MTMR7: variants seen among roughly 807,000 people sequenced by gnomAD.
MTMR7 encodes phosphatidylinositol-3-phosphate phosphatase MTMR7.
MTMR7 carries 76 observed loss-of-function variants against 81.2 expected under a neutral mutation model. That is an observed-to-expected ratio of 0.94 (90% confidence interval 0.78 to 1.13). MTMR7 has a LOEUF of 1.13. Ranked by LOEUF, MTMR7 falls within the 50% of genes most tolerant of loss-of-function variation. MTMR7 has a pLI of 0.00. For missense variants in MTMR7, 1,044 were observed against 820.0 expected, an observed-to-expected ratio of 1.27 and a Z score of -3.34; for synonymous variants, 372 against 289.8, an observed-to-expected ratio of 1.28 and a Z score of -2.88.
intron 1 of MTMR7, among the ~76,000 whole-genome samples, chr8:17,400,237 C>A (rs11203851): frequency 0.18 from 26,792 of 152,144 alleles, 3,517 homozygotes; most frequent in East Asian, 0.56. Flanking sequence ...AGCTACTGTG[C>A]TAGGCACCAT....
intron 1 of MTMR7, among the ~76,000 whole-genome samples, chr8:17,404,934 T>C (rs190265583): frequency 4.1e-4 from 63 of 152,344 alleles, no homozygotes; most frequent in African/African-American, 1.3e-3. Flanking sequence ...TAAGTGATTC[T>C]CCTGCCTCAG....
At chr8:17,397,411 A>C (rs1229515104) in intron 1 of MTMR7, among the ~76,000 whole-genome samples, 1 of 152,108 alleles carries the variant, frequency 6.6e-6, no homozygotes, top group Non-Finnish European at 1.5e-5. Context: ...TTGGGCTTTA[A>C]GCGAACGTCG....
At chr8:17,365,853 TAC>T (rs1820209073) in intron 3 of MTMR7, among the ~76,000 whole-genome samples, 2 of 152,248 alleles carry the variant, frequency 1.3e-5, no homozygotes, top group Admixed American at 6.5e-5. Flanking sequence ...TCTAAAATAC[TAC>T]ACGAAATTAA....
chr8:17,335,754 C>T (rs1190932233), intron 6 of MTMR7, among the ~76,000 whole-genome samples: 1 of 152,180 alleles, frequency 6.6e-6, no homozygotes, highest in Non-Finnish European at 1.5e-5. Context: ...AGTCAAAATC[C>T]TCCTTTCTAC....
chr8:17,316,194 A>AAC (rs1818058235), intron 7 of MTMR7, among the ~76,000 whole-genome samples: 1 of 152,050 alleles, frequency 6.6e-6, no homozygotes, highest in Non-Finnish European at 1.5e-5. Flanking sequence ...TAAAATGGTA[A>AAC]TAATAGCCTC....
chr8:17,396,806 T>A (rs921164384), intron 1 of MTMR7, among the ~76,000 whole-genome samples: 1 of 151,772 alleles, frequency 6.6e-6, no homozygotes, highest in African/African-American at 2.4e-5. Context: ...CCTCTGGAAG[T>A]GACTCCTTCC....
chr8:17,410,328 GA>G (rs1482498770), intron 1 of MTMR7, among the ~76,000 whole-genome samples: 1 of 152,150 alleles, frequency 6.6e-6, no homozygotes, highest in Non-Finnish European at 1.5e-5. Context: ...CACTTACCAG[GA>G]TCCTGGACAC....
intron 4 of MTMR7, among the ~76,000 whole-genome samples, chr8:17,349,649 G>A (rs113055537): frequency 2.6e-5 from 4 of 152,176 alleles, no homozygotes; most frequent in South Asian, 2.1e-4. Flanking sequence ...CACCTCCTTC[G>A]GGAAGCTTCT....
chr8:17,342,560 C>T (rs1396307960), intron 5 of MTMR7, among the ~76,000 whole-genome samples: 1 of 152,170 alleles, frequency 6.6e-6, no homozygotes, highest in Non-Finnish European at 1.5e-5. Context: ...GACAACTGAA[C>T]ATGGGTTTGG....
intron 4 of MTMR7, among the ~76,000 whole-genome samples, chr8:17,351,781 A>G (rs7386192): frequency 6.6e-6 from 1 of 152,028 alleles, no homozygotes; most frequent in African/African-American, 2.4e-5. Flanking sequence ...GCTAGAATGC[A>G]TTTGAGAAAA....
chr8:17,366,962 T>C (rs1218337250), intron 3 of MTMR7, among the ~76,000 whole-genome samples: 1 of 150,618 alleles, frequency 6.6e-6, no homozygotes, highest in African/African-American at 2.5e-5. Context: ...GGATTTTGCA[T>C]ATTTAAAATA....
intron 6 of MTMR7, among the ~76,000 whole-genome samples, chr8:17,333,502 T>TC (rs1449116281): frequency 2.0e-5 from 3 of 152,166 alleles, no homozygotes; most frequent in African/African-American, 7.2e-5. Context: ...CTTGACTAAT[T>TC]CAAGTGAAGC....
Position 17,361,291 on chromosome 8 carries a change from G to A in MTMR7, c.311-17C>T. ...CATATTTCACTGCAAGAAAAGGTAGGATAAAGTTAAATCAAGCTTAGTCAA... is the reference window on the plus strand; with the variant it reads ...CATATTTCACTGCAAGAAAAGGTAGAATAAAGTTAAATCAAGCTTAGTCAA... On this transcript the variant is annotated splice_polypyrimidine_tract_variant and intron_variant, in intron 3 of 13. Coordinates refer to ENST00000180173, the MANE Select transcript of MTMR7 (RefSeq NM_004686.5). 6.2e-7 allele frequency: 1 copy of A among 1,613,786 alleles called. No individual in the cohort carries two copies. Among genetic ancestry groups the A allele is most frequent in the South Asian group, 1.1e-5 (1 of 91,066 alleles).
intron 1 of MTMR7, 37 bp downstream of exon 1, chr8:17,413,227 ATCTCC>A: frequency 6.5e-7 from 1 of 1,537,528 alleles, no homozygotes; most frequent in Non-Finnish European, 8.8e-7. Flanking sequence ...CTCCTCCCCC[ATCTCC>A]TCCCGTCCCT....
chr8:17,328,730 G>T (rs879600785), intron 7 of MTMR7, among the ~76,000 whole-genome samples: 1 of 152,068 alleles, frequency 6.6e-6, no homozygotes, highest in Non-Finnish European at 1.5e-5. Flanking sequence ...AATAAAAAAA[G>T]AAAATACAGG....
chr8:17,382,968 A>G (rs1160314183), intron 1 of MTMR7, among the ~76,000 whole-genome samples: 2 of 152,178 alleles, frequency 1.3e-5, no homozygotes, highest in African/African-American at 4.8e-5. Context: ...AAGCACTCAC[A>G]GGGCACCAAA....
intron 6 of MTMR7, among the ~76,000 whole-genome samples, chr8:17,332,313 T>C (rs1203130170): frequency 6.6e-5 from 10 of 152,342 alleles, no homozygotes; most frequent in African/African-American, 2.4e-4. Context: ...ACATATGTTC[T>C]TTGACACAGA....
intron 3 of MTMR7, among the ~76,000 whole-genome samples, chr8:17,368,381 C>A (rs1393407984): frequency 1.3e-5 from 2 of 152,164 alleles, no homozygotes; most frequent in African/African-American, 2.4e-5. Context: ...CATAAATAAA[C>A]TGAAAATATG....
intron 1 of MTMR7, among the ~76,000 whole-genome samples, chr8:17,405,576 T>C (rs1821554768): frequency 6.6e-6 from 1 of 152,136 alleles, no homozygotes; most frequent in Non-Finnish European, 1.5e-5. Flanking sequence ...CAAATAAATA[T>C]GCCCTCTGCT....
Sources: gnomAD v4.1 joint callset for allele counts (sites outside exome capture counted in the v4.1 genomes callset) on GRCh38, gnomAD v4.1.1 for gene constraint, MANE v1.5 for transcripts, NCBI Gene and HGNC (gene_info 2026-07-23, HGNC 2026-07-21) for gene names.